Variants in SCRIB observed in about 807,000 individuals in gnomAD.
The protein encoded by SCRIB is protein scribble homolog.
A neutral mutation model predicts 170.0 loss-of-function variants in SCRIB; 72 were observed. The ratio of observed to expected loss-of-function variants is 0.42; its 90% CI spans 0.35 to 0.52. SCRIB has a LOEUF of 0.52. SCRIB is among the 20% of genes least tolerant of loss of function. The probability of loss-of-function intolerance (pLI) is 0.02; values close to 1 mark genes in which losing one functional copy is unlikely to be tolerated. For synonymous variants in SCRIB, 1,298 were observed against 1,044.3 expected, an observed-to-expected ratio of 1.24 and a Z score of -4.68; for missense variants, 2,475 against 2,338.5, an observed-to-expected ratio of 1.06 and a Z score of -1.20.
chr8:143,803,931 G>C lies in SCRIB; in HGVS notation c.3130C>G (p.Arg1044Gly). ...PGVFISKVLP[R>G]GLAARSGLRV... ...AGGCCGCTGCGAGCGGCCAGGCCCC[G>C]CGGGAGCACCTGTCAGGGAGGAGGG... The change falls in exon 23 of 37, where the codon CGG (arginine) becomes GGG (glycine). Residue 1044 changes from arginine to glycine, a missense_variant. Arg to Gly is a moderately radical substitution (Grantham distance 125). This residue lies in a region of SCRIB where 1,966 missense variants were observed against 1,742.9 expected (regional missense o/e 1.13). Transcript: ENST00000356994. 4 of 1,581,502 alleles carry C rather than the reference G, an allele frequency of 2.5e-6. No homozygotes were observed. The highest frequency in any genetic ancestry group is 3.4e-6 in the Non-Finnish European group (4 of 1,162,364).
chr8:143,811,362 G>T lies in SCRIB; in HGVS notation c.907-17C>A. ...GGGCAGGGCCTGGCCAAGAAGAGGA[G>T]GTCAGAGGACGCTAGGGGCTTGCTG... is the stretch of plus-strand genomic sequence containing the variant. On this transcript the variant is annotated splice_polypyrimidine_tract_variant and intron_variant, in intron 9 of 36. Transcript: ENST00000356994. 1 of 1,607,908 alleles carries T rather than the reference G, an allele frequency of 6.2e-7. No individual in the cohort carries two copies. The highest frequency in any genetic ancestry group is 8.5e-7 in the Non-Finnish European group (1 of 1,176,218).
At chr8:143,806,836 C>G in intron 17 of SCRIB, 88 bp downstream of exon 17, 1 of 977,864 alleles carries the variant, frequency 1.0e-6, no homozygotes, top group Non-Finnish European at 1.5e-6. Context: ...TGTGAGTGTT[C>G]TCAGGGCAAG....
intron 24 of SCRIB, among the ~76,000 whole-genome samples, chr8:143,801,674 C>A (rs995003513): frequency 2.6e-5 from 4 of 152,172 alleles, no homozygotes; most frequent in Non-Finnish European, 5.9e-5. Flanking sequence ...GGGCGGACAG[C>A]GAGCCCCCGG....
In SCRIB at chr8:143,793,886, C is replaced by T; in HGVS notation, c.3909+14G>A. 5.6e-6 allele frequency: 9 copies of T among 1,612,848 alleles called. No individual in the cohort carries two copies. Among genetic ancestry groups the T allele is most frequent in the Non-Finnish European group, 7.6e-6 (9 of 1,179,312 alleles). Reference sequence around the variant, plus strand: ...ACCCACCATGGGGCACACCCGTTAACTTGGGACACTCACCTGCTGGCCACT... The same window carrying T: ...ACCCACCATGGGGCACACCCGTTAATTTGGGACACTCACCTGCTGGCCACT... On this transcript the variant is annotated intron_variant, in intron 28 of 36. Coordinates refer to ENST00000356994, the MANE Select transcript of SCRIB (RefSeq NM_182706.5).
chr8:143,815,339 G>T lies in SCRIB; in HGVS notation c.34C>A (p.Arg12=). 1 of 1,554,682 alleles carries T rather than the reference G, an allele frequency of 6.4e-7. No homozygotes were observed. The highest frequency in any genetic ancestry group is 2.6e-5 in the East Asian group (1 of 39,076). The change falls in exon 1 of 37, where the codon CGG becomes AGG. Residue 12 remains arginine (R), a synonymous_variant. Transcript: ENST00000356994. ...CGCTTGTCCACCGACTCCACGTGCC[G>T]GTTGCAGCGCCACAGCGGGATGCAC... ...LKCIPLWRCN[R]HVESVDKRHC...
At position 143,813,111 on chromosome 8, in the gene SCRIB, G is replaced by A. The variant is rs571048762; in HGVS notation, c.568-7C>T. ...GAGCCCCCAGAGTGTCTGGCTGCAA[G>A]AAGGAACAGAGAAAATAGTGACTAT... is the stretch of plus-strand genomic sequence containing the variant. On this transcript the variant is annotated splice_polypyrimidine_tract_variant and splice_region_variant and intron_variant, in intron 6 of 36. Transcript: ENST00000356994. The A allele has an allele frequency of 6.2e-5, 98 of 1,573,278 alleles. No homozygotes were observed. In the Middle Eastern group the frequency reaches 6.8e-4, roughly 11 times the overall value.
chr8:143,812,706 C>A, intron 8 of SCRIB, 111 bp downstream of exon 8: 1 of 1,394,500 alleles, frequency 7.2e-7, no homozygotes, highest in Non-Finnish European at 9.8e-7. Context: ...AGAGCCTGGG[C>A]ACACTCAGGA....
rs1554635460 is a variant in SCRIB, at chr8:143,803,536, C to G, written c.3450G>C (p.Arg1150=). The G allele has an allele frequency of 6.2e-7, 1 of 1,604,232 alleles. No individual in the cohort carries two copies. The highest frequency in any genetic ancestry group is 8.5e-7 in the Non-Finnish European group (1 of 1,179,226). Residue 1150 remains arginine (R), a synonymous_variant, in exon 24 of 37, where the codon CGG becomes CGC. Coordinates refer to ENST00000356994, the MANE Select transcript of SCRIB (RefSeq NM_182706.5). ...SPTGAAGRDG[R]LRVGLRLLEV... is the part of the protein sequence containing the mutation. ...CCAACAGCCGCAAACCCACACGCAGCCGACCGTCGCGCCCGGCTGCCCCCG... is the reference window on the plus strand; with the variant it reads ...CCAACAGCCGCAAACCCACACGCAGGCGACCGTCGCGCCCGGCTGCCCCCG...
Position 143,791,170 on chromosome 8 carries a change from G to C in SCRIB, c.4961C>G (p.Pro1654Arg), listed in dbSNP as rs932685338. Residue 1654 changes from proline to arginine, a missense_variant, in exon 37 of 37, where the codon CCC (proline) becomes CGC (arginine). Physicochemically the swap from Pro to Arg is moderately radical, Grantham distance 103 (BLOSUM62 -2). Coordinates refer to ENST00000356994, the MANE Select transcript of SCRIB (RefSeq NM_182706.5). Reference protein sequence around the residue: ...RPGRRGLGPVPS With the variant: ...RPGRRGLGPVRS ...GGGGAGGTGCCTGCTCCTCTAGGAG[G>C]GCACAGGGCCCAGGCCACGGCGCCC... 4 of 1,422,580 alleles carry C rather than the reference G, an allele frequency of 2.8e-6. No individual in the cohort carries two copies. In the South Asian group the frequency reaches 5.0e-5, roughly 18 times the overall value. 88.1% of individuals were successfully genotyped at this position (1,422,580 alleles called of 1,614,324 possible). A position where few individuals can be genotyped will look rare whatever the true frequency, so the allele number is the denominator to read the frequency against.
chr8:143,804,318 C>T (rs936982136), intron 21 of SCRIB, among the ~76,000 whole-genome samples, 162 bp from the exon 22 acceptor site: 2 of 152,246 alleles, frequency 1.3e-5, no homozygotes, highest in Admixed American at 6.5e-5. Context: ...CCCAGGCAGG[C>T]ACGCAGCGTG....
At chr8:143,810,402 C>A (rs1217795902) in intron 13 of SCRIB, 77 bp downstream of exon 13, 9 of 1,562,368 alleles carry the variant, frequency 5.8e-6, no homozygotes, top group Non-Finnish European at 7.8e-6. Context: ...GCCCTCACAG[C>A]CCCACTCCCA....
rs542393689 is a variant in SCRIB, at chr8:143,802,970, C to T, written c.3603+413G>A. ...AGCAAGGTGCCACTAGGCACAGGAG[C>T]GGGGACCCTCAGCATCCCAAGGCGT... On this transcript the variant is annotated intron_variant, in intron 24 of 36. Coordinates refer to ENST00000356994, the MANE Select transcript of SCRIB (RefSeq NM_182706.5). Among the ~76,000 whole-genome samples the T allele has an allele frequency of 1.8e-4, 27 of 152,330 alleles. No individual in the cohort carries two copies. The East Asian group carries it at 3.1e-3, about 17-fold the overall frequency.
At position 143,808,757 on chromosome 8, in the gene SCRIB, C is replaced by G; in HGVS notation, c.1967G>C (p.Arg656Pro). 6.2e-7 allele frequency: 1 copy of G among 1,607,290 alleles called. No homozygotes were observed. The highest frequency in any genetic ancestry group is 8.5e-7 in the Non-Finnish European group (1 of 1,176,562). ...CTCCTCCTCCTCCTCCTTCTGGGCC[C>G]GAGGAGCCCAGGGTGCGTGGGGGCC... The part of the protein sequence containing the change: ...HNGPHAPWAP[R>P]AQKEEEEEEE... Residue 656 changes from arginine (R) to proline (P), a missense_variant, in exon 15 of 37, where the codon CGG becomes CCG. By Grantham distance (103) the Arg-to-Pro change is moderately radical (BLOSUM62 -2). Transcript: ENST00000356994.
chr8:143,792,054 G>A lies in SCRIB; in HGVS notation c.4594C>T (p.Pro1532Ser). Residue 1532 changes from proline (P) to serine (S), a missense_variant, in exon 33 of 37, where the codon CCC (proline) becomes TCC (serine). Pro to Ser is a moderately conservative substitution (Grantham distance 74). This residue lies in a region of SCRIB where 1,966 missense variants were observed against 1,742.9 expected (regional missense o/e 1.13). Coordinates refer to ENST00000356994, the MANE Select transcript of SCRIB (RefSeq NM_182706.5). ...RSQEGRGTRG[P>S]LERLAEAPSP... is the part of the protein sequence containing the mutation. ...GGGGCCTCGGCCAGTCGCTCCAGGG[G>A]CCCCCGCGTGCCCCGGCCTTCCTGG... The A allele has an allele frequency of 1.9e-6, 3 of 1,585,796 alleles. No homozygotes were observed. The highest frequency in any genetic ancestry group is 1.7e-6 in the Non-Finnish European group (2 of 1,171,258).
At position 143,792,646 on chromosome 8, in the gene SCRIB, G is replaced by T; in HGVS notation, c.4178-11C>A. Reference sequence around the variant, plus strand: ...GCTGTAGTTTTCTGGCTGCCGGAGGGCAGGGTGGGTCAGGCCAGACCAGCC... The same window carrying T: ...GCTGTAGTTTTCTGGCTGCCGGAGGTCAGGGTGGGTCAGGCCAGACCAGCC... On this transcript the variant is annotated splice_polypyrimidine_tract_variant and intron_variant, in intron 30 of 36. Coordinates refer to ENST00000356994, the MANE Select transcript of SCRIB (RefSeq NM_182706.5). The T allele has an allele frequency of 6.3e-7, 1 of 1,592,746 alleles. No individual in the cohort carries two copies. The highest frequency in any genetic ancestry group is 8.5e-7 in the Non-Finnish European group (1 of 1,176,978).
chr8:143,806,362 C>T, intron 18 of SCRIB, 45 bp downstream of exon 18: 2 of 1,475,508 alleles, frequency 1.4e-6, no homozygotes, highest in East Asian at 2.4e-5. Context: ...CATGTACCTC[C>T]AGAGGGCACA....
In SCRIB at chr8:143,805,018, C is replaced by G. The variant is rs1022189321; in HGVS notation, c.2671-4G>C. 1.3e-6 allele frequency: 2 copies of G among 1,586,582 alleles called. No individual in the cohort carries two copies. The highest frequency in any genetic ancestry group is 3.5e-5 in the Admixed American group (2 of 56,888). ...CAATGCGGGAGACGAAGATGCCCTGCAGGGGAGGGTGGAGGAGGCAGGGCT... is the reference window on the plus strand; with the variant it reads ...CAATGCGGGAGACGAAGATGCCCTGGAGGGGAGGGTGGAGGAGGCAGGGCT... On this transcript the variant is annotated splice_polypyrimidine_tract_variant and splice_region_variant and intron_variant, in intron 19 of 36. Coordinates refer to ENST00000356994, the MANE Select transcript of SCRIB (RefSeq NM_182706.5).
chr8:143,794,011 C>A (rs1283125547), intron 27 of SCRIB, 49 bp from the exon 28 acceptor site: 2 of 1,584,734 alleles, frequency 1.3e-6, no homozygotes, highest in East Asian at 2.3e-5. Flanking sequence ...GGCTGTGGCC[C>A]CCGACCAGGA....
intron 15 of SCRIB, among the ~76,000 whole-genome samples, 163 bp from the exon 16 acceptor site, chr8:143,807,777 C>G (rs554538468): frequency 4.3e-4 from 65 of 152,218 alleles, no homozygotes; most frequent in African/African-American, 1.4e-3. Context: ...GTGAGTGACA[C>G]CACACACCTG....
Sources: gnomAD v4.1 joint callset for allele counts (sites outside exome capture counted in the v4.1 genomes callset) on GRCh38, gnomAD v4.1.1 for gene constraint, gnomAD v4.1.1 regional missense constraint, MANE v1.5 for transcripts, NCBI Gene and HGNC (gene_info 2026-07-23, HGNC 2026-07-21) for gene names.